The following MTCH1 variants were observed in gnomAD, a reference collection of about 807,000 sequenced individuals.
MTCH1 encodes the protein mitochondrial carrier homolog 1.
A neutral mutation model predicts 49.3 loss-of-function variants in MTCH1; 23 were observed. The observed-to-expected ratio is 0.47, with a 90% CI of 0.34 to 0.66. The LOEUF is 0.66. Among genes scored for constraint, MTCH1 ranks in the 30% least tolerant of loss-of-function variants. The probability of loss-of-function intolerance (pLI) is 0.01; values close to 1 mark genes in which losing one functional copy is unlikely to be tolerated. For synonymous variants in MTCH1, 229 were observed against 215.2 expected, an observed-to-expected ratio of 1.06 and a Z score of -0.56; for missense variants, 397 against 532.1, an observed-to-expected ratio of 0.75 and a Z score of 2.50.
rs182326262 is a variant in MTCH1 at position 36,982,787 on chromosome 6, G to A, written c.322-1115C>T. On this transcript the variant is annotated intron_variant, in intron 1 of 11. Coordinates refer to ENST00000373627, the MANE Select transcript of MTCH1 (RefSeq NM_001271641.2). The surrounding 1 kb of genome is among the most constrained non-coding windows in gnomAD (Gnocchi z 4.1). ...AGGGGTGAGAGCCCCTGCTGCCAGG[G>A]AGGAGGCAAGGTGTCAAGGAGACCA... is the stretch of plus-strand genomic sequence containing the variant. Among the ~76,000 whole-genome samples the A allele has an allele frequency of 2.6e-5, 4 of 152,382 alleles. No homozygotes were observed. In the East Asian group the frequency reaches 7.7e-4, roughly 29 times the overall value.
intron 2 of MTCH1, among the ~76,000 whole-genome samples, chr6:36,980,470 C>T (rs3778022): frequency 0.11 from 17,470 of 152,266 alleles, 1,110 homozygotes; most frequent in South Asian, 0.17. Flanking sequence ...CTGTCATTCC[C>T]CTCTCCACTA....
chr6:36,978,221 G>C (rs1763960287), intron 3 of MTCH1, 66 bp from the exon 4 acceptor site: 1 of 1,405,362 alleles, frequency 7.1e-7, no homozygotes, highest in African/African-American at 1.4e-5. Flanking sequence ...TCGGGGACTT[G>C]GGCGGCAGGA....
At chr6:36,980,879 C>A (rs1273470878) in intron 2 of MTCH1, among the ~76,000 whole-genome samples, 1 of 152,314 alleles carries the variant, frequency 6.6e-6, no homozygotes, top group South Asian at 2.1e-4. Context: ...CCTGGCCAGA[C>A]GGCACCTGTG....
chr6:36,976,832 C>T (rs774827875), intron 6 of MTCH1, among the ~76,000 whole-genome samples: 2 of 152,176 alleles, frequency 1.3e-5, no homozygotes, highest in African/African-American at 2.4e-5. Flanking sequence ...GAGCTATCAG[C>T]CTATGAGGGC....
At chr6:36,973,959 T>C (rs2150746937) in intron 7 of MTCH1, among the ~76,000 whole-genome samples, 1 of 152,318 alleles carries the variant, frequency 6.6e-6, no homozygotes, top group Middle Eastern at 3.4e-3. Context: ...AAAGACTATG[T>C]TCAGAAAGAA....
At chr6:36,975,852 T>C in intron 6 of MTCH1, 135 bp from the exon 7 acceptor site, 1 of 733,648 alleles carries the variant, frequency 1.4e-6, no homozygotes, top group Non-Finnish European at 2.4e-6. Context: ...ACTATTACCA[T>C]GAAGAACCAA....
At position 36,986,059 on chromosome 6, in the gene MTCH1, G is replaced by C; in HGVS notation, c.115C>G (p.Arg39Gly). Residue 39 changes from arginine (R) to glycine (G), a missense_variant, in exon 1 of 12, where the codon CGA becomes GGA. Coordinates refer to ENST00000373627, the MANE Select transcript of MTCH1 (RefSeq NM_001271641.2). ...TGCGCGGGCGGTGGATCGCGAGCTC[G>C]AGCCTCGACCCCCGCCGCCGCTCCG... ...RGGAAAGVEA[R>G]ARDPPPAHRA... 6.8e-7 allele frequency: 1 copy of C among 1,463,202 alleles called. No homozygotes were observed. Among genetic ancestry groups the C allele is most frequent in the Middle Eastern group, 2.4e-4 (1 of 4,162 alleles). 90.6% of individuals were successfully genotyped at this position (1,463,202 alleles called of 1,614,324 possible).
chr6:36,972,346 T>C lies in MTCH1; in HGVS notation c.906+306A>G, dbSNP rs1763714704. Among the ~76,000 whole-genome samples the C allele has an allele frequency of 6.6e-6, 1 of 152,190 alleles. No individual in the cohort carries two copies. The highest frequency in any genetic ancestry group is 2.4e-5 in the African/African-American group (1 of 41,426). On this transcript the variant is annotated intron_variant, in intron 8 of 11. Coordinates refer to ENST00000373627, the MANE Select transcript of MTCH1 (RefSeq NM_001271641.2). This position sits in a 1 kb window ranked among gnomAD's most constrained non-coding sequence, Gnocchi z 4.1. Reference sequence around the variant, plus strand: ...TCAAGAGGTGATCACTATTAGCTGGTCTATCTTCTGACTTCCTGAGCCCTA... The same window carrying C: ...TCAAGAGGTGATCACTATTAGCTGGCCTATCTTCTGACTTCCTGAGCCCTA...
At position 36,977,364 on chromosome 6, in the gene MTCH1, G is replaced by A; in HGVS notation, c.650-114C>T. Reference sequence around the variant, plus strand: ...CACTGAACAACGTGGCCTATTCAGAGAGCAGGAGAGGAAGAGGGCCTTTCG... The same window carrying A: ...CACTGAACAACGTGGCCTATTCAGAAAGCAGGAGAGGAAGAGGGCCTTTCG... On this transcript the variant is annotated intron_variant, in intron 5 of 11. Transcript: ENST00000373627. The surrounding 1 kb of genome is among the most constrained non-coding windows in gnomAD (Gnocchi z 5.4). 9.1e-7 allele frequency: 1 copy of A among 1,100,468 alleles called. No homozygotes were observed. The highest frequency in any genetic ancestry group is 1.4e-6 in the Non-Finnish European group (1 of 734,372). 68.2% of individuals were successfully genotyped at this position (1,100,468 alleles called of 1,614,324 possible).
intron 9 of MTCH1, 33 bp from the exon 10 acceptor site, chr6:36,970,506 C>A: frequency 6.2e-7 from 1 of 1,612,386 alleles, no homozygotes; most frequent in Non-Finnish European, 8.5e-7. Context: ...TGCCAGTGAC[C>A]CACCCCGGCC....
chr6:36,970,213 CA>C, intron 10 of MTCH1, 99 bp from the exon 11 acceptor site: 1 of 1,452,744 alleles, frequency 6.9e-7, no homozygotes, highest in Non-Finnish European at 9.5e-7. Context: ...ACCACCCATC[CA>C]CACCCTGACC....
intron 11 of MTCH1, chr6:36,969,379 G>A: frequency 1.9e-6 from 2 of 1,079,744 alleles, no homozygotes; most frequent in Non-Finnish European, 2.3e-6. Flanking sequence ...AGGCCACTCA[G>A]AGTTCTGGCT....
chr6:36,985,598 T>C (rs979990149), intron 1 of MTCH1, among the ~76,000 whole-genome samples: 3 of 152,006 alleles, frequency 2.0e-5, no homozygotes, highest in African/African-American at 7.3e-5. Context: ...AATCGCTTGT[T>C]CCTTCCACCC....
intron 11 of MTCH1, chr6:36,969,823 A>C (rs1292944183): frequency 6.6e-7 from 1 of 1,507,542 alleles, no homozygotes; most frequent in Non-Finnish European, 8.9e-7. Flanking sequence ...TCTGATGTAT[A>C]ATCTTAAAAT....
chr6:36,976,125 G>A (rs1367677411), intron 6 of MTCH1, among the ~76,000 whole-genome samples: 2 of 152,168 alleles, frequency 1.3e-5, no homozygotes, highest in African/African-American at 4.8e-5. Flanking sequence ...AAGAGTAAGA[G>A]TAGGAGGGGG....
At chr6:36,986,371 A>C, upstream of MTCH1, 9 of 425,572 alleles carry the variant, frequency 2.1e-5, no homozygotes, top group East Asian at 8.6e-5. Context: ...CCGGGGGTCA[A>C]TGGTGGCGGG....
At chr6:36,971,823 G>GT (rs1431849630) in intron 8 of MTCH1, among the ~76,000 whole-genome samples, 1 of 152,102 alleles carries the variant, frequency 6.6e-6, no homozygotes, top group Admixed American at 6.5e-5. Context: ...CTTCTTGAAG[G>GT]TGATCCCCAC....
At chr6:36,978,026 A>G in intron 4 of MTCH1, 52 bp downstream of exon 4, 2 of 1,497,284 alleles carry the variant, frequency 1.3e-6, no homozygotes, top group Non-Finnish European at 1.9e-6. Context: ...GGGGTGAGAA[A>G]TCATCAGGCT....
At chr6:36,983,874 T>C (rs1764196724) in intron 1 of MTCH1, among the ~76,000 whole-genome samples, 4 of 152,150 alleles carry the variant, frequency 2.6e-5, no homozygotes, top group Admixed American at 2.6e-4. Flanking sequence ...CTTACCCTAA[T>C]ATATGTTACA....
Sources: allele counts gnomAD v4.1 joint callset (sites outside exome capture counted in the v4.1 genomes callset), GRCh38; gene constraint gnomAD v4.1.1; non-coding constraint Gnocchi (gnomAD v3.1); transcripts MANE v1.5; gene names NCBI Gene and HGNC (gene_info 2026-07-23, HGNC 2026-07-21).